PXDC1: variants seen among roughly 807,000 people sequenced by gnomAD.
PXDC1 encodes PX domain containing 1.
PXDC1 carries 13 observed loss-of-function variants against 24.4 expected under a neutral mutation model. The observed-to-expected ratio is 0.53, with a 90% CI of 0.35 to 0.85. The LOEUF is 0.85. Ranked by LOEUF, PXDC1 falls within the 40% of genes least tolerant of loss-of-function variation. PXDC1 has a pLI of 0.01. For synonymous variants in PXDC1, 162 were observed against 124.9 expected, an observed-to-expected ratio of 1.30 and a Z score of -1.98; for missense variants, 344 against 309.3, an observed-to-expected ratio of 1.11 and a Z score of -0.84.
At chr6:3,750,190 G>A (rs1331649795) in intron 1 of PXDC1, among the ~76,000 whole-genome samples, 1 of 152,240 alleles carries the variant, frequency 6.6e-6, no homozygotes. Context: ...CCAGGGGAAA[G>A]CACAGGTTAT....
intron 3 of PXDC1, among the ~76,000 whole-genome samples, chr6:3,732,692 G>T (rs75587844): frequency 0.06 from 9,064 of 152,314 alleles, 355 homozygotes; most frequent in Non-Finnish European, 0.082. Context: ...CCAGGATGTG[G>T]AAACAGTCGC....
In PXDC1 at chr6:3,723,755, G is replaced by A; in HGVS notation, c.579-19C>T. On this transcript the variant is annotated intron_variant, in intron 4 of 4. Transcript: ENST00000380283. The stretch of plus-strand genomic sequence containing the variant: ...CTCAAATCTGAAATTAGAGAAACCA[G>A]AGGTGAGGGGTGGCTCATTGTTGGG... The A allele has an allele frequency of 6.3e-7, 1 of 1,598,132 alleles. No individual in the cohort carries two copies. Among genetic ancestry groups the A allele is most frequent in the Non-Finnish European group, 8.6e-7 (1 of 1,165,468 alleles).
chr6:3,738,208 T>G, intron 1 of PXDC1, 60 bp from the exon 2 acceptor site: 1 of 1,285,402 alleles, frequency 7.8e-7, no homozygotes, highest in Non-Finnish European at 1.1e-6. Flanking sequence ...GCGCTCCCAA[T>G]GCAATACACA....
At position 3,727,405 on chromosome 6, in the gene PXDC1, C is replaced by G; in HGVS notation, c.578+146G>C. 5 of 591,866 alleles carry G rather than the reference C, an allele frequency of 8.4e-6. No individual in the cohort carries two copies. The South Asian group carries it at 1.1e-4, about 13-fold the overall frequency. 36.7% of individuals were successfully genotyped at this position (591,866 alleles called of 1,614,324 possible). A position where few individuals can be genotyped will look rare whatever the true frequency, so the allele number is the denominator to read the frequency against. On this transcript the variant is annotated intron_variant, in intron 4 of 4. Transcript: ENST00000380283. ...CTCACCAGACTCTAGGAAAGGCAAACTTCTAAAATCAGTGTCCAAATGCAG... is the reference window on the plus strand; with the variant it reads ...CTCACCAGACTCTAGGAAAGGCAAAGTTCTAAAATCAGTGTCCAAATGCAG...
At chr6:3,738,264 C>G in intron 1 of PXDC1, 116 bp from the exon 2 acceptor site, 1 of 773,376 alleles carries the variant, frequency 1.3e-6, no homozygotes, top group Non-Finnish European at 2.2e-6. Context: ...AATGAGATGT[C>G]GGGAACATTC....
intron 1 of PXDC1, among the ~76,000 whole-genome samples, chr6:3,747,725 T>C (rs1760602750): frequency 6.6e-6 from 1 of 152,228 alleles, no homozygotes; most frequent in Non-Finnish European, 1.5e-5. Flanking sequence ...TTACTTATTT[T>C]TCCTTTTGAA....
At chr6:3,748,921 A>C (rs890844297) in intron 1 of PXDC1, among the ~76,000 whole-genome samples, 1 of 152,244 alleles carries the variant, frequency 6.6e-6, no homozygotes, top group Non-Finnish European at 1.5e-5. Flanking sequence ...TTTTGTGTTT[A>C]TAGTTTGTAT....
chr6:3,738,798 T>C (rs1760388268), intron 1 of PXDC1: 1 of 1,302,728 alleles, frequency 7.7e-7, no homozygotes, highest in Non-Finnish European at 1.0e-6. Context: ...TAAAATACCA[T>C]AGCTCGAGGC....
chr6:3,743,832 C>T (rs1760504430), intron 1 of PXDC1, among the ~76,000 whole-genome samples: 1 of 152,230 alleles, frequency 6.6e-6, no homozygotes. Context: ...TGCAATGCAT[C>T]AGGGGCGCCC....
chr6:3,743,252 C>T (rs1389031056), intron 1 of PXDC1, among the ~76,000 whole-genome samples: 1 of 152,164 alleles, frequency 6.6e-6, no homozygotes, highest in Admixed American at 6.5e-5. Flanking sequence ...CGTTAAAGAG[C>T]GTCCACTACC....
At chr6:3,740,886 C>T (rs1760436239) in intron 1 of PXDC1, among the ~76,000 whole-genome samples, 1 of 152,276 alleles carries the variant, frequency 6.6e-6, no homozygotes, top group Non-Finnish European at 1.5e-5. Flanking sequence ...TGGGGGTCTC[C>T]CCAGAGACTA....
At chr6:3,750,022 C>T (rs981886132) in intron 1 of PXDC1, among the ~76,000 whole-genome samples, 2 of 152,260 alleles carry the variant, frequency 1.3e-5, no homozygotes, top group African/African-American at 4.8e-5. Context: ...TGGAGAACAG[C>T]TATAAATGTG....
chr6:3,738,154 A>T lies in PXDC1; in HGVS notation c.257-6T>A. On this transcript the variant is annotated splice_region_variant and splice_polypyrimidine_tract_variant and intron_variant, in intron 1 of 4. Coordinates refer to ENST00000380283, the MANE Select transcript of PXDC1 (RefSeq NM_183373.4). ...TTCCTTTATGGCAACCAGTCCTAGA[A>T]TTGAGACAGAAATGCTCAAAGTCAG... 1 of 1,610,662 alleles carries T rather than the reference A, an allele frequency of 6.2e-7. No homozygotes were observed. Among genetic ancestry groups the T allele is most frequent in the Non-Finnish European group, 8.5e-7 (1 of 1,176,834 alleles).
chr6:3,750,598 A>C (rs1265792831), intron 1 of PXDC1, among the ~76,000 whole-genome samples: 1 of 152,200 alleles, frequency 6.6e-6, no homozygotes, highest in Admixed American at 6.5e-5. Context: ...GGTTTCTGAA[A>C]ACAAGAATTC....
rs1760635961 is a variant in PXDC1 at position 3,748,981 on chromosome 6, G to A, written c.256+2295C>T. On this transcript the variant is annotated intron_variant, in intron 1 of 4. Coordinates refer to ENST00000380283, the MANE Select transcript of PXDC1 (RefSeq NM_183373.4). ...CAATAAATCTGCATGGAAATAAGGT[G>A]CAATCTGCTTTTACATTACTGGGAT... Among the ~76,000 whole-genome samples, 6 of 152,148 alleles carry A rather than the reference G, an allele frequency of 3.9e-5. No homozygotes were observed. In the South Asian group the frequency reaches 1.0e-3, roughly 26 times the overall value.
intron 3 of PXDC1, among the ~76,000 whole-genome samples, chr6:3,727,945 C>G (rs1349034453): frequency 1.3e-5 from 2 of 152,114 alleles, no homozygotes; most frequent in East Asian, 3.9e-4. Context: ...TCGCTGTGGG[C>G]TTCAAGCTGG....
In PXDC1 at chr6:3,728,277, C is replaced by T. The variant is rs1323408914; in HGVS notation, c.467-615G>A. Among the ~76,000 whole-genome samples the T allele has an allele frequency of 6.6e-6, 1 of 152,152 alleles. No individual in the cohort carries two copies. The highest frequency in any genetic ancestry group is 6.5e-5 in the Admixed American group (1 of 15,274). On this transcript the variant is annotated intron_variant, in intron 3 of 4. Transcript: ENST00000380283. The surrounding 1 kb of genome is among the most constrained non-coding windows in gnomAD (Gnocchi z 4.0). ...CTATACCCAGTAAGTAGTCTTTTATCCCTCACCCCACGAACCCAAAGTCCA... is the reference window on the plus strand; with the variant it reads ...CTATACCCAGTAAGTAGTCTTTTATTCCTCACCCCACGAACCCAAAGTCCA...
At chr6:3,748,700 G>A (rs1008772698) in intron 1 of PXDC1, among the ~76,000 whole-genome samples, 1 of 152,136 alleles carries the variant, frequency 6.6e-6, no homozygotes, top group African/African-American at 2.4e-5. Context: ...ACCCTCCAAG[G>A]GTGTGCAGAC....
Position 3,724,214 on chromosome 6 carries a change from C to T in PXDC1, c.579-478G>A, listed in dbSNP as rs1050282948. On this transcript the variant is annotated intron_variant, in intron 4 of 4. Transcript: ENST00000380283. This position sits in a 1 kb window ranked among gnomAD's most constrained non-coding sequence, Gnocchi z 4.5. ...AGGGAACAGGAGGCTGGAGAAGAGC[C>T]GGCGAGGCCCGTGGAGGTCACGGGG... Among the ~76,000 whole-genome samples the T allele has an allele frequency of 4.6e-5, 7 of 152,052 alleles. No individual in the cohort carries two copies. The highest frequency in any genetic ancestry group is 3.3e-4 in the Admixed American group (5 of 15,276).
Sources: allele counts gnomAD v4.1 joint callset (sites outside exome capture counted in the v4.1 genomes callset), GRCh38; gene constraint gnomAD v4.1.1; non-coding constraint Gnocchi (gnomAD v3.1); transcripts MANE v1.5; gene names NCBI Gene and HGNC (gene_info 2026-07-23, HGNC 2026-07-21).